PTPRT: variants seen among roughly 807,000 people sequenced by gnomAD.
The protein encoded by PTPRT is receptor-type tyrosine-protein phosphatase T.
A neutral mutation model predicts 176.8 loss-of-function variants in PTPRT; 56 were observed. That is an observed-to-expected ratio of 0.32 (90% CI 0.26 to 0.40). The LOEUF (loss-of-function observed/expected upper bound fraction) is 0.40, where lower values mean the gene tolerates loss of function less well. Among genes scored for constraint, PTPRT ranks in the 10% least tolerant of loss-of-function variants. The probability of loss-of-function intolerance (pLI) is 1.00; values close to 1 mark genes in which losing one functional copy is unlikely to be tolerated. For synonymous variants in PTPRT, 783 were observed against 739.0 expected (o/e 1.06, Z -0.96); for missense variants, 1,540 against 1,908.2 (o/e 0.81, Z 3.60).
chr20:42,171,623 G>C (rs150405957), intron 16 of PTPRT, among the ~76,000 whole-genome samples: 1 of 152,060 alleles, frequency 6.6e-6, no homozygotes, highest in South Asian at 2.1e-4. Flanking sequence ...TGTGTTTAAG[G>C]CATCAACTAC....
rs1448262351 is a variant in PTPRT at position 42,541,661 on chromosome 20, G to A, written c.1154-69099C>T. Among the ~76,000 whole-genome samples, 6 of 151,686 alleles carry A rather than the reference G, an allele frequency of 4.0e-5. No individual in the cohort carries two copies. In the East Asian group the frequency reaches 1.2e-3, roughly 29 times the overall value. ...GCTCACACAAAGGTAAACTTTAGAT[G>A]GAGCAAATAATCAAAAGTTTAATGG... On this transcript the variant is annotated intron_variant, in intron 7 of 30. Coordinates refer to ENST00000373187, the MANE Select transcript of PTPRT (RefSeq NM_007050.6).
At chr20:43,026,326 C>A (rs556210594) in intron 1 of PTPRT, among the ~76,000 whole-genome samples, 272 of 152,270 alleles carry the variant, frequency 1.8e-3, no homozygotes, top group African/African-American at 6.3e-3. Context: ...CCATATTGGC[C>A]AGGCTGGTCT....
chr20:42,437,495 A>G (rs2145821422), intron 9 of PTPRT, among the ~76,000 whole-genome samples: 1 of 152,360 alleles, frequency 6.6e-6, no homozygotes, highest in South Asian at 2.1e-4. Flanking sequence ...AAAATAAAAC[A>G]GAACAAGAAA....
chr20:42,115,429 G>C (rs967672379), intron 21 of PTPRT, 114 bp from the exon 22 acceptor site: 5 of 777,910 alleles, frequency 6.4e-6, no homozygotes, highest in Admixed American at 2.0e-5. Flanking sequence ...TAAACCCAAG[G>C]GTGACTTTGG....
intron 8 of PTPRT, among the ~76,000 whole-genome samples, chr20:42,450,626 G>T (rs1261364143): frequency 7.0e-6 from 1 of 143,684 alleles, no homozygotes; most frequent in Admixed American, 7.0e-5. Context: ...ATATATTTTC[G>T]CCAGTTTTTT....
chr20:42,817,397 A>G (rs954664575), intron 2 of PTPRT, among the ~76,000 whole-genome samples: 2 of 147,340 alleles, frequency 1.4e-5, no homozygotes, highest in African/African-American at 5.0e-5. Context: ...CAGATCTTTG[A>G]AAATGAAATT....
chr20:42,897,180 C>A (rs1157411778), intron 1 of PTPRT, among the ~76,000 whole-genome samples: 1 of 152,068 alleles, frequency 6.6e-6, no homozygotes, highest in Non-Finnish European at 1.5e-5. Context: ...CAGATACAAA[C>A]AATACTCCTA....
chr20:42,499,103 A>C (rs1487037745), intron 7 of PTPRT, among the ~76,000 whole-genome samples: 1 of 152,044 alleles, frequency 6.6e-6, no homozygotes, highest in Non-Finnish European at 1.5e-5. Flanking sequence ...TTTTAAGGAG[A>C]TACTCATGAC....
In PTPRT at chr20:43,189,539, C is replaced by A; in HGVS notation, c.88+107G>T. 3.0e-6 allele frequency: 2 copies of A among 669,424 alleles called. No individual in the cohort carries two copies. The highest frequency in any genetic ancestry group is 4.0e-6 in the Non-Finnish European group (2 of 496,520). 41.5% of individuals were successfully genotyped at this position (669,424 alleles called of 1,614,324 possible). A position where few individuals can be genotyped will look rare whatever the true frequency, so the allele number is the denominator to read the frequency against. On this transcript the variant is annotated intron_variant, in intron 1 of 30. Transcript: ENST00000373187. The surrounding 1 kb of genome is among the most constrained non-coding windows in gnomAD (Gnocchi z 5.0). ...CGGGTTCCGGCCATGGGGACCCGCG[C>A]CCCCGCGAGCCCACACAACTTTCTC... is the stretch of plus-strand genomic sequence containing the variant.
intron 9 of PTPRT, among the ~76,000 whole-genome samples, chr20:42,386,026 T>C (rs1369444383): frequency 1.3e-5 from 2 of 152,180 alleles, no homozygotes; most frequent in Non-Finnish European, 1.5e-5. Context: ...AACTAAAACA[T>C]GTGACTCTAT....
chr20:42,849,118 TGTAA>T (rs2078427923), intron 2 of PTPRT, among the ~76,000 whole-genome samples: 1 of 152,206 alleles, frequency 6.6e-6, no homozygotes, highest in Non-Finnish European at 1.5e-5. Flanking sequence ...AAGATCAGGC[TGTAA>T]GTATTTGGGC....
intron 9 of PTPRT, among the ~76,000 whole-genome samples, chr20:42,431,625 C>T (rs2059216380): frequency 1.3e-5 from 2 of 152,074 alleles, no homozygotes; most frequent in African/African-American, 4.8e-5. Flanking sequence ...TCTCTGATAT[C>T]CAAACATTCT....
At chr20:42,250,570 G>A (rs1403629803) in intron 13 of PTPRT, among the ~76,000 whole-genome samples, 1 of 152,066 alleles carries the variant, frequency 6.6e-6, no homozygotes, top group East Asian at 1.9e-4. Flanking sequence ...ACTTAGACAT[G>A]TTGGGTTTAC....
At chr20:42,101,425 A>T (rs1294773406) in intron 26 of PTPRT, among the ~76,000 whole-genome samples, 1 of 152,162 alleles carries the variant, frequency 6.6e-6, no homozygotes, top group Non-Finnish European at 1.5e-5. Flanking sequence ...AGGGGAAGTG[A>T]TGATAATCAG....
At chr20:42,839,608 C>T (rs538008321) in intron 2 of PTPRT, among the ~76,000 whole-genome samples, 14 of 152,184 alleles carry the variant, frequency 9.2e-5, no homozygotes, top group South Asian at 4.2e-4. Flanking sequence ...GGGAAAGCAG[C>T]GATTCCCTTG....
At position 42,269,584 on chromosome 20, in the gene PTPRT, A is replaced by C. The variant is rs548940489; in HGVS notation, c.2176+12905T>G. 2.0e-5 allele frequency among the ~76,000 whole-genome samples: 3 copies of C among 152,332 alleles called. No homozygotes were observed. The East Asian group carries it at 5.8e-4, about 29-fold the overall frequency. Reference sequence around the variant, plus strand: ...GAGTGGGCTCTGTGTCCTTTGAAGAATGGCATACATTTATGTGAAATGAAC... The same window carrying C: ...GAGTGGGCTCTGTGTCCTTTGAAGACTGGCATACATTTATGTGAAATGAAC... On this transcript the variant is annotated intron_variant, in intron 13 of 30. Transcript: ENST00000373187.
At chr20:43,106,212 C>G (rs1448201185) in intron 1 of PTPRT, among the ~76,000 whole-genome samples, 2 of 152,222 alleles carry the variant, frequency 1.3e-5, no homozygotes, top group African/African-American at 4.8e-5. Context: ...AAACCACCTG[C>G]CCTCTCTAAG....
chr20:42,707,449 T>C (rs1198457982), intron 6 of PTPRT, among the ~76,000 whole-genome samples: 2 of 152,148 alleles, frequency 1.3e-5, no homozygotes, highest in Non-Finnish European at 2.9e-5. Flanking sequence ...TTAAAAAAGA[T>C]GGAAATTCCT....
chr20:42,499,123 C>T (rs2071703767), intron 7 of PTPRT, among the ~76,000 whole-genome samples: 1 of 152,022 alleles, frequency 6.6e-6, no homozygotes, highest in Non-Finnish European at 1.5e-5. Flanking sequence ...CATTTGAACT[C>T]ACAGCAATAG....
Sources: gnomAD v4.1 joint callset for allele counts (sites outside exome capture counted in the v4.1 genomes callset) on GRCh38, gnomAD v4.1.1 for gene constraint, Gnocchi (gnomAD v3.1) non-coding constraint, MANE v1.5 for transcripts, NCBI Gene and HGNC (gene_info 2026-07-23, HGNC 2026-07-21) for gene names.